DNAJC13: variants seen among roughly 807,000 people sequenced by gnomAD.
DNAJC13 encodes the protein DnaJ heat shock protein family (Hsp40) member C13, also known as dnaJ homolog subfamily C member 13.
Under a neutral mutation model 290.5 loss-of-function variants are expected in DNAJC13, and 75 were observed. The ratio of observed to expected loss-of-function variants is 0.26; its 90% CI spans 0.21 to 0.31. The LOEUF (loss-of-function observed/expected upper bound fraction) is 0.31, where lower values mean the gene tolerates loss of function less well. Among genes scored for constraint, DNAJC13 ranks in the 10% least tolerant of loss-of-function variants. DNAJC13 has a pLI of 1.00. For synonymous variants in DNAJC13, 862 were observed against 892.0 expected, an observed-to-expected ratio of 0.97 and a Z score of 0.60; for missense variants, 2,260 against 2,674.5, an observed-to-expected ratio of 0.85 and a Z score of 3.42.
At chr3:132,506,455 T>C (rs996579315) in intron 42 of DNAJC13, among the ~76,000 whole-genome samples, 1 of 151,876 alleles carries the variant, frequency 6.6e-6, no homozygotes, top group Non-Finnish European at 1.5e-5. Context: ...CCAATCTAAA[T>C]TCGTTTTGGT....
chr3:132,496,027 T>TTC (rs991669319), intron 35 of DNAJC13, among the ~76,000 whole-genome samples: 17 of 152,248 alleles, frequency 1.1e-4, no homozygotes, highest in African/African-American at 3.9e-4. Context: ...GTGTAACAGT[T>TTC]TAAGAGCATG....
At chr3:132,526,339 T>C in intron 53 of DNAJC13, 58 bp downstream of exon 53, 2 of 1,601,446 alleles carry the variant, frequency 1.2e-6, no homozygotes, top group Non-Finnish European at 1.7e-6. Flanking sequence ...CAAGTAGATT[T>C]TTACCTATTT....
rs749052533 is a variant in DNAJC13 at position 132,488,361 on chromosome 3, C to T, written c.3331C>T (p.Gln1111Ter). ...KVAILLYHIM[Q>*]DNPQLPRLYL... The stretch of plus-strand genomic sequence containing the variant: ...TGCTATTTTGTTATACCATATCATG[C>T]AAGATAACCCACAGTTACCCCGCCT... The change falls in exon 30 of 56, where the codon CAA becomes TAA. Residue 1111 changes from glutamine to a stop codon, truncating the protein, a stop_gained. Coordinates refer to ENST00000260818, the MANE Select transcript of DNAJC13 (RefSeq NM_015268.4). LOFTEE classifies it high-confidence loss of function. 1 of 1,613,348 alleles carries T rather than the reference C, an allele frequency of 6.2e-7. No homozygotes were observed. Among genetic ancestry groups the T allele is most frequent in the African/African-American group, 1.3e-5 (1 of 74,860 alleles).
rs200339051 is a variant in DNAJC13, at chr3:132,465,974, C to A, written c.1893-21C>A. ...AGCTGAGATAAAGCAGCAAACCTTT[C>A]TCAACGTCTGCTTTTTTCAGACAGC... is the stretch of plus-strand genomic sequence containing the variant. On this transcript the variant is annotated intron_variant, in intron 17 of 55. Coordinates refer to ENST00000260818, the MANE Select transcript of DNAJC13 (RefSeq NM_015268.4). 5.6e-5 allele frequency: 90 copies of A among 1,593,158 alleles called. 1 individual carries two copies. The East Asian group carries it at 1.9e-3, about 34-fold the overall frequency.
chr3:132,463,683 C>A lies in DNAJC13; in HGVS notation c.1771-13C>A. 6.2e-7 allele frequency: 1 copy of A among 1,610,052 alleles called. No individual in the cohort carries two copies. The highest frequency in any genetic ancestry group is 8.5e-7 in the Non-Finnish European group (1 of 1,177,750). ...ATTGCCACCTTAGGGATCATCTTAC[C>A]CTTTTTCCAAAGGAAGGTGATAAAG... On this transcript the variant is annotated splice_polypyrimidine_tract_variant and intron_variant, in intron 16 of 55. Transcript: ENST00000260818.
chr3:132,428,704 A>G (rs1430153202), intron 1 of DNAJC13, among the ~76,000 whole-genome samples: 1 of 152,122 alleles, frequency 6.6e-6, no homozygotes, highest in Non-Finnish European at 1.5e-5. Flanking sequence ...AATTTTTGTC[A>G]TTGTATGTTT....
chr3:132,510,431 C>G (rs1391620567), intron 43 of DNAJC13, among the ~76,000 whole-genome samples: 2 of 151,992 alleles, frequency 1.3e-5, no homozygotes, highest in Non-Finnish European at 2.9e-5. Flanking sequence ...CTGTCTTGCC[C>G]AGGCTGGTCT....
At chr3:132,529,648 G>A (rs928746423) in intron 54 of DNAJC13, among the ~76,000 whole-genome samples, 9 of 152,134 alleles carry the variant, frequency 5.9e-5, no homozygotes, top group South Asian at 2.1e-4. Context: ...TTAGCCAGGC[G>A]TGGTGGCAGG....
intron 36 of DNAJC13, among the ~76,000 whole-genome samples, chr3:132,497,191 G>A (rs547737963): frequency 6.6e-6 from 1 of 152,294 alleles, no homozygotes; most frequent in East Asian, 1.9e-4. Flanking sequence ...GAAGAACACT[G>A]GTATAGATGA....
In DNAJC13 at chr3:132,472,363, G is replaced by C. The variant is rs988366640; in HGVS notation, c.2209-782G>C. Among the ~76,000 whole-genome samples, 3 of 152,206 alleles carry C rather than the reference G, an allele frequency of 2.0e-5. No homozygotes were observed. In the East Asian group the frequency reaches 5.8e-4, roughly 29 times the overall value. The stretch of plus-strand genomic sequence containing the variant: ...GCCTATCTCTGAAACAGGGGCCATA[G>C]CTTTCTTTGAATTCTCAAAGGGTTT... On this transcript the variant is annotated intron_variant, in intron 20 of 55. Coordinates refer to ENST00000260818, the MANE Select transcript of DNAJC13 (RefSeq NM_015268.4).
intron 47 of DNAJC13, 34 bp from the exon 48 acceptor site, chr3:132,516,670 C>T (rs201354482): frequency 3.2e-6 from 5 of 1,578,448 alleles, no homozygotes; most frequent in Middle Eastern, 1.7e-4. Flanking sequence ...AAGTCAAATT[C>T]TTTATAAGCA....
At position 132,424,603 on chromosome 3, in the gene DNAJC13, G is replaced by T. The variant is rs376206383; in HGVS notation, c.-14+6843G>T. Among the ~76,000 whole-genome samples, 3 of 152,224 alleles carry T rather than the reference G, an allele frequency of 2.0e-5. No homozygotes were observed. In the East Asian group the frequency reaches 5.8e-4, roughly 29 times the overall value. ...CAGCTACCCTATGGTAGTGAAACTA[G>T]TTAAAAGTTGATTATGATGTGACAG... On this transcript the variant is annotated intron_variant, in intron 1 of 55. Coordinates refer to ENST00000260818, the MANE Select transcript of DNAJC13 (RefSeq NM_015268.4).
At chr3:132,513,314 C>T (rs899249955) in intron 45 of DNAJC13, among the ~76,000 whole-genome samples, 2 of 152,118 alleles carry the variant, frequency 1.3e-5, no homozygotes, top group Admixed American at 6.6e-5. Flanking sequence ...AAGTGGTTCT[C>T]TTTCTGTTAT....
chr3:132,454,030 T>G (rs761395737), intron 8 of DNAJC13, 36 bp from the exon 9 acceptor site: 8 of 1,477,410 alleles, frequency 5.4e-6, no homozygotes, highest in Admixed American at 4.2e-5. Flanking sequence ...ACTATAAACT[T>G]TTTTTTGTTG....
At chr3:132,510,467 C>G (rs999142352) in intron 43 of DNAJC13, among the ~76,000 whole-genome samples, 8 of 152,102 alleles carry the variant, frequency 5.3e-5, no homozygotes, top group Non-Finnish European at 8.8e-5. Context: ...AAGCAGTCCT[C>G]CTGTCTCAGC....
intron 36 of DNAJC13, among the ~76,000 whole-genome samples, chr3:132,498,241 T>C (rs1056115135): frequency 6.6e-6 from 1 of 151,416 alleles, no homozygotes; most frequent in Non-Finnish European, 1.5e-5. Context: ...AACTTTAAGA[T>C]AACTGGTAAA....
At chr3:132,494,012 A>G in intron 33 of DNAJC13, 132 bp from the exon 34 acceptor site, 2 of 661,338 alleles carry the variant, frequency 3.0e-6, no homozygotes, top group East Asian at 5.5e-5. Flanking sequence ...GGTTATTTGT[A>G]TTTCAGAAAG....
rs1198895785 is a variant in DNAJC13, at chr3:132,484,792, G to A, written c.3267+120G>A. ...ATTTTCAAAAAGCCTAAATAGGCCA[G>A]GTGTGGAGTCTCACACCTCCAATCC... On this transcript the variant is annotated intron_variant, in intron 29 of 55. Coordinates refer to ENST00000260818, the MANE Select transcript of DNAJC13 (RefSeq NM_015268.4). 3.3e-6 allele frequency: 3 copies of A among 896,614 alleles called. No individual in the cohort carries two copies. The East Asian group carries it at 7.8e-5, about 23-fold the overall frequency. The allele number at this position is 896,614 out of a possible 1,614,324, so 55.5% of individuals were successfully genotyped here.
chr3:132,449,727 G>C (rs1417336907), intron 5 of DNAJC13, among the ~76,000 whole-genome samples: 1 of 152,090 alleles, frequency 6.6e-6, no homozygotes, highest in Non-Finnish European at 1.5e-5. Context: ...ATCAGAAATA[G>C]TTGTACTCCA....
Sources: gnomAD v4.1 joint callset for allele counts (sites outside exome capture counted in the v4.1 genomes callset) on GRCh38, gnomAD v4.1.1 for gene constraint, MANE v1.5 for transcripts, NCBI Gene and HGNC (gene_info 2026-07-23, HGNC 2026-07-21) for gene names.